RBPJ: variants seen among roughly 807,000 people sequenced by gnomAD.
RBPJ encodes the protein recombination signal binding protein for immunoglobulin kappa J region.
A neutral mutation model predicts 67.8 loss-of-function variants in RBPJ; 9 were observed. That is an observed-to-expected ratio of 0.13 (90% CI 0.08 to 0.23). RBPJ has a LOEUF of 0.23. Ranked by LOEUF, RBPJ falls within the 10% of genes least tolerant of loss-of-function variation. RBPJ has a pLI of 1.00. For synonymous variants in RBPJ, 198 were observed against 203.3 expected, an observed-to-expected ratio of 0.97 and a Z score of 0.22; for missense variants, 305 against 595.6, an observed-to-expected ratio of 0.51 and a Z score of 5.08.
chr4:26,166,511 GTCT>G (rs1716309402), intron 1 of RBPJ, among the ~76,000 whole-genome samples: 1 of 150,028 alleles, frequency 6.7e-6, no homozygotes, highest in Non-Finnish European at 1.5e-5. Context: ...CTGCATAAAT[GTCT>G]TCTTTTGAGA....
At position 26,204,056 on chromosome 4, in the gene RBPJ, C is replaced by T. The variant is rs550228097; in HGVS notation, c.-167+40442C>T. Reference sequence around the variant, plus strand: ...ACCTCCCAGGCTCAAGCTATCCTCCCGCCTCAGCCTCCCGAGTAGCTGGGA... The same window carrying T: ...ACCTCCCAGGCTCAAGCTATCCTCCTGCCTCAGCCTCCCGAGTAGCTGGGA... On this transcript the variant is annotated intron_variant, in intron 1 of 4. Coordinates refer to the RBPJ transcript ENST00000512351. Among the ~76,000 whole-genome samples the T allele has an allele frequency of 7.9e-5, 12 of 152,252 alleles. No homozygotes were observed. In the East Asian group the frequency reaches 1.2e-3, roughly 15 times the overall value.
chr4:26,292,443 T>G (rs1339415892), intron 1 of RBPJ, among the ~76,000 whole-genome samples: 1 of 150,374 alleles, frequency 6.7e-6, no homozygotes, highest in Non-Finnish European at 1.5e-5. Context: ...TTTTATGAGA[T>G]GGAGTCTAGC....
At chr4:26,181,456 C>A (rs1408049263) in intron 1 of RBPJ, among the ~76,000 whole-genome samples, 1 of 152,218 alleles carries the variant, frequency 6.6e-6, no homozygotes, top group Admixed American at 6.5e-5. Context: ...CCTCCTTGGG[C>A]CACAAAGAAT....
At chr4:26,125,062 A>G in the RBPJ span, among the ~76,000 whole-genome samples, 2 of 152,160 alleles carry the variant, frequency 1.3e-5, no homozygotes, top group African/African-American at 4.8e-5. Context: ...GGAAGGGAAA[A>G]AGGGGGAAGG....
chr4:26,283,650 T>TG (rs1209320709), intron 1 of RBPJ, among the ~76,000 whole-genome samples: 2 of 41,448 alleles, frequency 4.8e-5, no homozygotes, highest in East Asian at 1.4e-3. Context: ...TTAACTAAAC[T>TG]TTTTTTTTTT....
intron 1 of RBPJ, among the ~76,000 whole-genome samples, chr4:26,170,275 T>A (rs1461561593): frequency 6.6e-6 from 1 of 152,154 alleles, no homozygotes. Flanking sequence ...TCATGGTGGC[T>A]CCTGCCTATA....
chr4:26,342,534 T>G (rs566525558), intron 1 of RBPJ, among the ~76,000 whole-genome samples: 6 of 152,344 alleles, frequency 3.9e-5, no homozygotes, highest in African/African-American at 1.4e-4. Flanking sequence ...CCTCATTCCT[T>G]TCTCCCATGC....
chr4:26,160,476 C>T (rs1423617348), upstream of RBPJ, among the ~76,000 whole-genome samples: 2 of 152,128 alleles, frequency 1.3e-5, no homozygotes, highest in Non-Finnish European at 2.9e-5. Context: ...TTTTTTTATG[C>T]AATGTCCCCT....
At chr4:26,215,429 G>A (rs1330992941) in intron 1 of RBPJ, among the ~76,000 whole-genome samples, 5 of 122,386 alleles carry the variant, frequency 4.1e-5, no homozygotes, top group African/African-American at 1.0e-4. Flanking sequence ...GGGAGGGAGG[G>A]AAGGGGACGA....
In RBPJ at chr4:26,431,148, C is replaced by T; in HGVS notation, c.*141C>T. 1 of 436,522 alleles carries T rather than the reference C, an allele frequency of 2.3e-6. No homozygotes were observed. Among genetic ancestry groups the T allele is most frequent in the Admixed American group, 4.0e-5 (1 of 24,966 alleles). 27.0% of individuals were successfully genotyped at this position (436,522 alleles called of 1,614,324 possible). The stretch of plus-strand genomic sequence containing the variant: ...ATACTATTCAAAAACCCCGTTGTCT[C>T]CCTGCAAGTGCTGATTTGAAATGCA... On this transcript the variant is annotated 3_prime_UTR_variant, in exon 11 of 11. Transcript: ENST00000355476.
chr4:26,152,528 C>T, the RBPJ span, among the ~76,000 whole-genome samples: 1 of 152,222 alleles, frequency 6.6e-6, no homozygotes, highest in African/African-American at 2.4e-5. Flanking sequence ...TTAATAAGTG[C>T]TTACTATGTG....
At chr4:26,422,569 C>A (rs915625392) in intron 5 of RBPJ, among the ~76,000 whole-genome samples, 1 of 151,904 alleles carries the variant, frequency 6.6e-6, no homozygotes, top group African/African-American at 2.4e-5. Flanking sequence ...TGTTTGCTTT[C>A]TTTTCATTTT....
At chr4:26,152,684 C>A in the RBPJ span, among the ~76,000 whole-genome samples, 1 of 152,192 alleles carries the variant, frequency 6.6e-6, no homozygotes, top group Non-Finnish European at 1.5e-5. Flanking sequence ...GGACTTGAAC[C>A]CAGGTTGTTC....
At chr4:26,107,037 T>A in the RBPJ span, among the ~76,000 whole-genome samples, 2 of 152,128 alleles carry the variant, frequency 1.3e-5, no homozygotes, top group African/African-American at 4.8e-5. Context: ...GAAAGTAAAT[T>A]CTGTGGTAAA....
intron 1 of RBPJ, among the ~76,000 whole-genome samples, chr4:26,280,212 C>T (rs564621347): frequency 7.4e-4 from 112 of 151,778 alleles, no homozygotes; most frequent in African/African-American, 2.5e-3. Context: ...CTGGCTAACA[C>T]GGCGAAACCC....
chr4:26,124,192 A>T, the RBPJ span, among the ~76,000 whole-genome samples: 1 of 151,044 alleles, frequency 6.6e-6, no homozygotes, highest in Admixed American at 6.6e-5. Context: ...AGTCTTTTAT[A>T]CCTCACCCCT....
the RBPJ span, among the ~76,000 whole-genome samples, chr4:26,117,923 TTA>T: frequency 1.3e-5 from 2 of 151,590 alleles, no homozygotes; most frequent in East Asian, 1.9e-4. Flanking sequence ...ACACCACAAA[TTA>T]TATATATATA....
intron 1 of RBPJ, among the ~76,000 whole-genome samples, chr4:26,221,884 A>C (rs1188333534): frequency 6.6e-6 from 1 of 152,108 alleles, no homozygotes; most frequent in Non-Finnish European, 1.5e-5. Context: ...CTGTGTCCCC[A>C]CTCCCAATGT....
intron 1 of RBPJ, among the ~76,000 whole-genome samples, chr4:26,254,843 ATTTTTTTTTTTTTTTTTTTTTT>A (rs71643604): frequency 3.0e-4 from 5 of 16,550 alleles, no homozygotes; most frequent in South Asian, 3.8e-3. Context: ...ATGCCCAGCT[ATTTTTTTTTTTTTTTTTTTTTT>A]TTTTTTTTTT....
Sources: gnomAD v4.1 joint callset for allele counts (sites outside exome capture counted in the v4.1 genomes callset) on GRCh38, gnomAD v4.1.1 for gene constraint, MANE v1.5 for transcripts, NCBI Gene and HGNC (gene_info 2026-07-23, HGNC 2026-07-21) for gene names.